The following CACNA1H variants were observed in gnomAD, a reference collection of about 807,000 sequenced individuals.
The protein encoded by CACNA1H is calcium voltage-gated channel subunit alpha1 H.
A neutral mutation model predicts 192.5 loss-of-function variants in CACNA1H; 149 were observed. The ratio of observed to expected loss-of-function variants is 0.77; its 90% CI spans 0.68 to 0.89. The LOEUF is 0.89. CACNA1H is among the 40% of genes least tolerant of loss of function. The pLI, the probability that CACNA1H is intolerant of heterozygous loss-of-function variation, is 0.00. For synonymous variants in CACNA1H, 2,202 were observed against 1,475.2 expected (o/e 1.49, Z -11.29); for missense variants, 4,257 against 3,423.5 (o/e 1.24, Z -6.08).
At chr16:1,207,973 C>G in intron 15 of CACNA1H, 40 bp from the exon 16 acceptor site, 1 of 1,562,006 alleles carries the variant, frequency 6.4e-7, no homozygotes, top group Non-Finnish European at 8.7e-7. Flanking sequence ...TCCTGGGAGC[C>G]TGGCAGCTCT....
rs114815713 is a variant in CACNA1H at position 1,214,818 on chromosome 16, C to T, written c.4930-154C>T. Among the ~76,000 whole-genome samples, 1,159 of 152,136 alleles carry T rather than the reference C, an allele frequency of 7.6e-3. 17 individuals are homozygous for T. Among genetic ancestry groups the T allele is most frequent in the African/African-American group, 0.027 (1,106 of 41,506 alleles). On this transcript the variant is annotated intron_variant, in intron 27 of 34. Transcript: ENST00000348261. ...CCTGTATGCTGGGCTGGAGGAGGGC[C>T]GAAGAGGCTCCCGGTGCCCAGGGAG...
At chr16:1,214,792 TC>T (rs1267604969) in intron 27 of CACNA1H, among the ~76,000 whole-genome samples, 179 bp from the exon 28 acceptor site, 3 of 152,048 alleles carry the variant, frequency 2.0e-5, no homozygotes, top group Non-Finnish European at 4.4e-5. Flanking sequence ...ACGGAGCACT[TC>T]CTGTATGCTG....
intron 2 of CACNA1H, among the ~76,000 whole-genome samples, chr16:1,183,977 G>A (rs546404721): frequency 6.6e-6 from 1 of 152,224 alleles, no homozygotes; most frequent in Non-Finnish European, 1.5e-5. Flanking sequence ...CGTCTGCCTC[G>A]GCAGCTGTGG....
intron 17 of CACNA1H, 130 bp from the exon 18 acceptor site, chr16:1,209,905 C>A (rs991703606): frequency 2.9e-6 from 2 of 688,520 alleles, no homozygotes; most frequent in Non-Finnish European, 4.9e-6. Context: ...CAAAGGCCAG[C>A]GGGTGAGGAG....
chr16:1,217,939 T>C lies in CACNA1H; in HGVS notation c.5344T>C (p.Cys1782Arg). Residue 1782 changes from cysteine (C) to arginine (R), a missense_variant, in exon 32 of 35, where the codon TGC (cysteine) becomes CGC (arginine). Cys to Arg is a radical substitution (Grantham distance 180). Transcript: ENST00000348261. ...CGCAGAGTGCAGTGAAGACAACCCC[T>C]GCGAGGGCCTGAGCAGGCACGCCAC... ...GRLECSEDNP[C>R]EGLSRHATFS... The C allele has an allele frequency of 6.2e-7, 1 of 1,605,262 alleles. No homozygotes were observed.
In CACNA1H at chr16:1,215,820, GC is replaced by G. The variant is rs879411059; in HGVS notation, c.5244+232del. 1.3e-3 allele frequency among the ~76,000 whole-genome samples: 198 copies of G among 152,292 alleles called. 3 individuals carry two copies. Among genetic ancestry groups the G allele is most frequent in the Non-Finnish European group, 1.5e-3 (102 of 68,012 alleles). On this transcript the variant is annotated intron_variant, in intron 30 of 34. Coordinates refer to ENST00000348261, the MANE Select transcript of CACNA1H (RefSeq NM_021098.3). The stretch of plus-strand genomic sequence containing the variant: ...CCTCTGGGCAAGACTCATAACCGGG[GC>G]CCCCTCCCCGGTGCACTTCCAGAGG...
chr16:1,206,755 T>C, intron 12 of CACNA1H: 1 of 504,496 alleles, frequency 2.0e-6, no homozygotes, highest in East Asian at 3.3e-5. Flanking sequence ...GTGGCTTCCC[T>C]CTGTCTGTCC....
At position 1,220,205 on chromosome 16, in the gene CACNA1H, C is replaced by A; in HGVS notation, c.6273C>A (p.Ala2091=). 6.4e-7 allele frequency: 1 copy of A among 1,556,900 alleles called. No individual in the cohort carries two copies. Among genetic ancestry groups the A allele is most frequent in the Non-Finnish European group, 8.6e-7 (1 of 1,156,914 alleles). Residue 2091 remains alanine (A), a synonymous_variant, in exon 35 of 35, where the codon GCC becomes GCA. Coordinates refer to ENST00000348261, the MANE Select transcript of CACNA1H (RefSeq NM_021098.3). Reference sequence around the variant, plus strand: ...CGGCGGCCCCAGGCGGAGAGGAGGCCGAGGCCTCGGACCCAGCCGACGAGG... The same window carrying A: ...CGGCGGCCCCAGGCGGAGAGGAGGCAGAGGCCTCGGACCCAGCCGACGAGG... ...SRPAAPGGEE[A]EASDPADEEV...
At chr16:1,216,065 G>A (rs1354227359) in intron 30 of CACNA1H, among the ~76,000 whole-genome samples, 4 of 152,086 alleles carry the variant, frequency 2.6e-5, no homozygotes, top group South Asian at 4.1e-4. Context: ...ACGTTGTCCC[G>A]TCCGTAGCCT....
chr16:1,178,065 C>CCCGGAACCCCCT (rs1965082701), intron 2 of CACNA1H, among the ~76,000 whole-genome samples: 1 of 103,566 alleles, frequency 9.7e-6, no homozygotes, highest in African/African-American at 3.9e-5. Flanking sequence ...CGGAACCCCC[C>CCCGGAACCCCCT]CCCCCATGGA....
rs1165174775 is a variant in CACNA1H at position 1,211,994 on chromosome 16, C to T, written c.4615C>T (p.Leu1539=). The T allele has an allele frequency of 6.2e-6, 10 of 1,613,452 alleles. No homozygotes were observed. Among genetic ancestry groups the T allele is most frequent in the African/African-American group, 1.3e-5 (1 of 74,928 alleles). ...PWMLLYFISF[L]LIVSFFVLNM... is the part of the protein sequence containing the mutation. Reference sequence around the variant, plus strand: ...GATGCTGCTGTACTTCATCTCCTTCCTGCTCATCGTCAGCTTCTTCGTGCT... The same window carrying T: ...GATGCTGCTGTACTTCATCTCCTTCTTGCTCATCGTCAGCTTCTTCGTGCT... Residue 1539 remains leucine, a synonymous_variant, in exon 25 of 35, where the codon CTG becomes TTG. Transcript: ENST00000348261.
chr16:1,217,107 CGTG>C lies in CACNA1H; in HGVS notation c.5323+99_5323+101del, dbSNP rs1166759445. On this transcript the variant is annotated intron_variant, in intron 31 of 34. Transcript: ENST00000348261. Reference sequence around the variant, plus strand: ...CACGCAGGCACATGCTTGCAAATAGCGTGGGGCCTGATCAGGGCCACACGCCTC... The same window carrying C: ...CACGCAGGCACATGCTTGCAAATAGCGGGCCTGATCAGGGCCACACGCCTC... 24 of 1,095,004 alleles carry C rather than the reference CGTG, an allele frequency of 2.2e-5. No homozygotes were observed. In the African/African-American group the frequency reaches 3.1e-4, roughly 14 times the overall value. The allele number at this position is 1,095,004 out of a possible 1,614,324, so 67.8% of individuals were successfully genotyped here.
In CACNA1H at chr16:1,217,988, TCCTC is replaced by T; in HGVS notation, c.5394_5397del (p.Phe1798LeufsTer16). The stretch of plus-strand genomic sequence containing the variant: ...ACCTTCAGCAACTTCGGCATGGCCT[TCCTC>T]ACGCTGTTCCGCGTGTCCACGGGGG... On this transcript the variant is annotated frameshift_variant, in exon 32 of 35. Transcript: ENST00000348261. LOFTEE classifies it high-confidence loss of function. 6.2e-7 allele frequency: 1 copy of T among 1,604,428 alleles called. No individual in the cohort carries two copies. The highest frequency in any genetic ancestry group is 8.5e-7 in the Non-Finnish European group (1 of 1,176,160).
Position 1,201,743 on chromosome 16 carries a change from G to C in CACNA1H, c.1293G>C (p.Gln431His). The C allele has an allele frequency of 9.9e-6, 16 of 1,610,154 alleles. No homozygotes were observed. Among genetic ancestry groups the C allele is most frequent in the Non-Finnish European group, 1.3e-5 (15 of 1,178,912 alleles). ...CGGAGACGAAGCAGCGGGAGAGTCA[G>C]CTGATGCGGGAGCAGCGGGCACGCC... ...QFSETKQRES[Q>H]LMREQRARHL... Residue 431 changes from glutamine to histidine, a missense_variant, in exon 9 of 35, where the codon CAG (glutamine) becomes CAC (histidine). Gln to His is a conservative substitution (Grantham distance 24, BLOSUM62 0). Coordinates refer to ENST00000348261, the MANE Select transcript of CACNA1H (RefSeq NM_021098.3).
chr16:1,175,202 G>T (rs541255776), intron 2 of CACNA1H, among the ~76,000 whole-genome samples: 2 of 152,134 alleles, frequency 1.3e-5, no homozygotes, highest in African/African-American at 4.8e-5. Context: ...AGGCCCTACT[G>T]TGCGCACAGG....
At chr16:1,212,207 C>T in intron 25 of CACNA1H, 69 bp downstream of exon 25, 2 of 1,517,570 alleles carry the variant, frequency 1.3e-6, no homozygotes, top group Non-Finnish European at 1.8e-6. Flanking sequence ...CCTCCAGCCC[C>T]TCCACTCCCG....
At position 1,218,341 on chromosome 16, in the gene CACNA1H, C is replaced by T. The variant is rs1305738018; in HGVS notation, c.5577C>T (p.Leu1859=). 3.8e-6 allele frequency: 6 copies of T among 1,561,220 alleles called. No homozygotes were observed. Among genetic ancestry groups the T allele is most frequent in the East Asian group, 2.4e-5 (1 of 41,630 alleles). Residue 1859 remains leucine (L), a synonymous_variant, in exon 33 of 35, where the codon CTC becomes CTT. Coordinates refer to ENST00000348261, the MANE Select transcript of CACNA1H (RefSeq NM_021098.3). The part of the protein sequence containing the change: ...FVLVNVVVAV[L]MKHLEESNKE... ...TGGTGAACGTGGTGGTGGCCGTGCT[C>T]ATGAAGCACCTGGAGGAGAGCAACA...
intron 2 of CACNA1H, among the ~76,000 whole-genome samples, chr16:1,193,472 G>A (rs1168770580): frequency 2.6e-5 from 4 of 152,252 alleles, no homozygotes; most frequent in African/African-American, 9.6e-5. Context: ...GTGCTCTGAG[G>A]CTTGCCGTGA....
At chr16:1,205,953 C>G in intron 11 of CACNA1H, 151 bp from the exon 12 acceptor site, 1 of 720,508 alleles carries the variant, frequency 1.4e-6, no homozygotes, top group Non-Finnish European at 2.2e-6. Context: ...CGCAGCTGTT[C>G]ATGCACCTTG....
Sources: allele counts gnomAD v4.1 joint callset (sites outside exome capture counted in the v4.1 genomes callset), GRCh38; gene constraint gnomAD v4.1.1; transcripts MANE v1.5; gene names NCBI Gene and HGNC (gene_info 2026-07-23, HGNC 2026-07-21).